The following R3HDM2 variants were observed in gnomAD, a reference collection of about 807,000 sequenced individuals.
R3HDM2 encodes R3H domain-containing protein 2.
In R3HDM2, 38 loss-of-function variants were observed where a neutral mutation model predicts 124.5. The ratio of observed to expected loss-of-function variants is 0.31; its 90% CI spans 0.24 to 0.40. The LOEUF (loss-of-function observed/expected upper bound fraction) is 0.40, where lower values mean the gene tolerates loss of function less well. R3HDM2 is among the 10% of genes least tolerant of loss of function. The pLI, the probability that R3HDM2 is intolerant of heterozygous loss-of-function variation, is 1.00. For missense variants in R3HDM2, 869 were observed against 1,236.9 expected (o/e 0.70, Z 4.46); for synonymous variants, 391 against 448.0 (o/e 0.87, Z 1.61).
At chr12:57,297,032 C>A (rs539955838) in intron 8 of R3HDM2, 4 of 278,924 alleles carry the variant, frequency 1.4e-5, no homozygotes, top group Non-Finnish European at 2.7e-5. Flanking sequence ...CCAGCCTAGG[C>A]GACAAAGAAA....
chr12:57,282,951 G>C (rs1305340854), intron 13 of R3HDM2, among the ~76,000 whole-genome samples: 3 of 152,198 alleles, frequency 2.0e-5, no homozygotes, highest in Non-Finnish European at 4.4e-5. Context: ...CTTCTGCTAA[G>C]AGAGCAGCAG....
At chr12:57,352,342 T>C (rs1020775509) in intron 2 of R3HDM2, among the ~76,000 whole-genome samples, 1 of 150,976 alleles carries the variant, frequency 6.6e-6, no homozygotes, top group African/African-American at 2.4e-5. Context: ...ACAAATGGAG[T>C]CATAGATCAT....
chr12:57,335,898 A>G (rs2058794005), intron 2 of R3HDM2, among the ~76,000 whole-genome samples: 1 of 152,042 alleles, frequency 6.6e-6, no homozygotes, highest in South Asian at 2.1e-4. Context: ...TGTACAAGAG[A>G]AAAACAAACA....
At chr12:57,345,582 G>A (rs1278705269) in intron 2 of R3HDM2, among the ~76,000 whole-genome samples, 2 of 151,870 alleles carry the variant, frequency 1.3e-5, no homozygotes, top group African/African-American at 2.4e-5. Flanking sequence ...GCATCAGGCT[G>A]GAGTGCAGTG....
intron 21 of R3HDM2, among the ~76,000 whole-genome samples, chr12:57,257,062 G>A (rs909050194): frequency 2.0e-5 from 3 of 151,968 alleles, no homozygotes; most frequent in South Asian, 4.1e-4. Context: ...CAGGTGATCC[G>A]CCTGCCCCGG....
intron 2 of R3HDM2, among the ~76,000 whole-genome samples, chr12:57,313,991 C>T (rs1221545592): frequency 1.3e-5 from 2 of 150,156 alleles, no homozygotes; most frequent in Admixed American, 6.7e-5. Flanking sequence ...GAGTTTGAGA[C>T]CAGACTGACC....
intron 2 of R3HDM2, among the ~76,000 whole-genome samples, chr12:57,342,426 TATC>T (rs1171061321): frequency 6.6e-6 from 1 of 151,976 alleles, no homozygotes; most frequent in Middle Eastern, 3.2e-3. Flanking sequence ...TTCAGAGAGA[TATC>T]ATCCAGAGCT....
intron 15 of R3HDM2, 92 bp from the exon 16 acceptor site, chr12:57,269,541 G>A: frequency 6.6e-7 from 1 of 1,525,798 alleles, no homozygotes; most frequent in Non-Finnish European, 8.9e-7. Flanking sequence ...TTGATGGCCA[G>A]AAATATGTAA....
intron 10 of R3HDM2, among the ~76,000 whole-genome samples, chr12:57,294,542 A>G (rs2049320471): frequency 6.6e-6 from 1 of 152,184 alleles, no homozygotes; most frequent in African/African-American, 2.4e-5. Flanking sequence ...AGACCATACA[A>G]TATCCCAAGA....
chr12:57,290,402 C>T (rs567821202), intron 11 of R3HDM2, among the ~76,000 whole-genome samples: 2 of 152,318 alleles, frequency 1.3e-5, no homozygotes, highest in East Asian at 3.9e-4. Flanking sequence ...TGGAGCCAGG[C>T]TGAATTCAAA....
At chr12:57,399,941 C>G (rs2067901035) in intron 1 of R3HDM2, among the ~76,000 whole-genome samples, 1 of 152,214 alleles carries the variant, frequency 6.6e-6, no homozygotes, top group Admixed American at 6.5e-5. Flanking sequence ...TCCGCTGATT[C>G]ATCCTGATGG....
rs576308502 is a variant in R3HDM2, at chr12:57,343,928, T to C, written c.-35-33465A>G. On this transcript the variant is annotated intron_variant, in intron 2 of 23. Coordinates refer to ENST00000402412, the MANE Select transcript of R3HDM2 (RefSeq NM_001394031.1). ...AGGCCATTTGTGGTTTTTAAGCAGA[T>C]GAATGACATGTTTTTGACCTTTATT... Among the ~76,000 whole-genome samples, 4 of 152,290 alleles carry C rather than the reference T, an allele frequency of 2.6e-5. No homozygotes were observed. The East Asian group carries it at 5.8e-4, about 22-fold the overall frequency.
intron 2 of R3HDM2, among the ~76,000 whole-genome samples, chr12:57,390,168 T>C (rs1458445225): frequency 8.6e-6 from 1 of 116,840 alleles, no homozygotes; most frequent in Admixed American, 9.1e-5. Flanking sequence ...CTAGGAGAAA[T>C]AACTAAAAAA....
At chr12:57,404,789 A>G (rs1482192766) in intron 1 of R3HDM2, among the ~76,000 whole-genome samples, 1 of 152,188 alleles carries the variant, frequency 6.6e-6, no homozygotes, top group African/African-American at 2.4e-5. Flanking sequence ...AGGCTGAGGC[A>G]GGAGGATCAC....
At chr12:57,290,690 C>T (rs2048391782) in intron 11 of R3HDM2, among the ~76,000 whole-genome samples, 1 of 152,072 alleles carries the variant, frequency 6.6e-6, no homozygotes, top group Non-Finnish European at 1.5e-5. Flanking sequence ...CTTGGCTCAC[C>T]ACAACCTCTG....
chr12:57,281,043 G>C (rs1273571154), intron 13 of R3HDM2, among the ~76,000 whole-genome samples: 1 of 152,124 alleles, frequency 6.6e-6, no homozygotes, highest in Non-Finnish European at 1.5e-5. Context: ...AGCACTTTGC[G>C]AGGCTGAGGC....
chr12:57,320,077 G>C (rs1053289089), intron 2 of R3HDM2, among the ~76,000 whole-genome samples: 3 of 151,626 alleles, frequency 2.0e-5, no homozygotes, highest in African/African-American at 7.3e-5. Context: ...TGGCCAACAC[G>C]GTGAAACCCC....
intron 2 of R3HDM2, among the ~76,000 whole-genome samples, chr12:57,316,622 A>G (rs1382409240): frequency 7.4e-6 from 1 of 134,702 alleles, no homozygotes; most frequent in African/African-American, 2.8e-5. Flanking sequence ...GTCTCACTAT[A>G]TCACCCAGGT....
intron 1 of R3HDM2, among the ~76,000 whole-genome samples, chr12:57,419,213 G>A (rs1205289021): frequency 5.4e-5 from 8 of 147,266 alleles, no homozygotes; most frequent in African/African-American, 1.8e-4. Flanking sequence ...GAGTGATCTC[G>A]GCTCACTGCA....
Sources: allele counts gnomAD v4.1 joint callset (sites outside exome capture counted in the v4.1 genomes callset), GRCh38; gene constraint gnomAD v4.1.1; transcripts MANE v1.5; gene names NCBI Gene and HGNC (gene_info 2026-07-23, HGNC 2026-07-21).